TLN2: variants seen among roughly 807,000 people sequenced by gnomAD.
TLN2 encodes talin 2.
In TLN2, 118 loss-of-function variants were observed where a neutral mutation model predicts 294.7. The observed-to-expected ratio is 0.40, with a 90% CI of 0.34 to 0.47. The LOEUF is 0.47. Among genes scored for constraint, TLN2 ranks in the 20% least tolerant of loss-of-function variants. The probability of loss-of-function intolerance (pLI) is 0.84; values close to 1 mark genes in which losing one functional copy is unlikely to be tolerated. For missense variants in TLN2, 3,083 were observed against 3,282.2 expected (o/e 0.94, Z 1.48); for synonymous variants, 1,431 against 1,304.5 (o/e 1.10, Z -2.09).
intron 1 of TLN2, among the ~76,000 whole-genome samples, chr15:62,417,693 G>T (rs1050958095): frequency 5.3e-5 from 8 of 152,178 alleles, no homozygotes; most frequent in African/African-American, 1.9e-4. Flanking sequence ...GCTTCTCAGG[G>T]CTACAGGCTC....
intron 1 of TLN2, among the ~76,000 whole-genome samples, chr15:62,404,542 A>G (rs2033260432): frequency 6.6e-6 from 1 of 152,060 alleles, no homozygotes; most frequent in Non-Finnish European, 1.5e-5. Context: ...AAGATCCCCA[A>G]AGCATTCTCG....
intron 6 of TLN2, among the ~76,000 whole-genome samples, chr15:62,652,715 G>A (rs1055236384): frequency 6.6e-6 from 1 of 152,104 alleles, no homozygotes. Context: ...TATTATAGAT[G>A]AGAGAATTGA....
Position 62,766,425 on chromosome 15 carries a change from A to G in TLN2, c.5196+3A>G, listed in dbSNP as rs2141034093. The G allele has an allele frequency of 6.2e-7, 1 of 1,604,222 alleles. No individual in the cohort carries two copies. The highest frequency in any genetic ancestry group is 8.5e-7 in the Non-Finnish European group (1 of 1,171,752). On this transcript the variant is annotated splice_donor_region_variant and intron_variant, in intron 41 of 58. Transcript: ENST00000636159. ...AAGCAGCTCAGCTGGGACATAAGGT[A>G]ATGCACACCGAGGGGATCCTGCGAG...
At chr15:62,833,303 A>G (rs2069074132) in intron 54 of TLN2, 6 of 714,894 alleles carry the variant, frequency 8.4e-6, no homozygotes, top group Admixed American at 3.0e-5. Context: ...GGCTTAACCA[A>G]ACTGACTTAA....
chr15:62,700,381 C>T (rs915218677), intron 16 of TLN2, among the ~76,000 whole-genome samples: 1 of 152,050 alleles, frequency 6.6e-6, no homozygotes, highest in African/African-American at 2.4e-5. Context: ...TCTGAAATGT[C>T]AGAAAATAGA....
At chr15:62,801,493 A>T (rs189941132) in intron 50 of TLN2, among the ~76,000 whole-genome samples, 46 of 152,278 alleles carry the variant, frequency 3.0e-4, no homozygotes, top group African/African-American at 1.1e-3. Flanking sequence ...CTTTTTTGGG[A>T]AAGAGGGATA....
chr15:62,765,843 G>A (rs183756665), intron 40 of TLN2, among the ~76,000 whole-genome samples: 2 of 152,218 alleles, frequency 1.3e-5, no homozygotes, highest in Non-Finnish European at 2.9e-5. Context: ...ACAGTGCACT[G>A]TTTGGGAAGT....
At chr15:62,515,548 T>C (rs930362407) in intron 1 of TLN2, among the ~76,000 whole-genome samples, 3 of 152,228 alleles carry the variant, frequency 2.0e-5, no homozygotes, top group Non-Finnish European at 4.4e-5. Context: ...GTGATGAGTG[T>C]TCTCCCTGAA....
rs1413645225 is a variant in TLN2 at position 62,457,982 on chromosome 15, G to GA, written c.-238+67301dup. On this transcript the variant is annotated intron_variant, in intron 1 of 58. Transcript: ENST00000636159. ...GGATGGTTTGGAAGCAACTGTGCCA[G>GA]AAAACTGGAAAAAAATGTTTTTCAG... Among the ~76,000 whole-genome samples, 3 of 152,200 alleles carry GA rather than the reference G, an allele frequency of 2.0e-5. No individual in the cohort carries two copies. In the East Asian group the frequency reaches 5.8e-4, roughly 29 times the overall value.
rs2070609136 is a variant in TLN2, at chr15:62,840,904, GTAT to G, written c.*298_*300del. The G allele has an allele frequency of 3.4e-6, 1 of 290,636 alleles. No individual in the cohort carries two copies. Among genetic ancestry groups the G allele is most frequent in the African/African-American group, 2.2e-5 (1 of 46,424 alleles). 18.0% of individuals were successfully genotyped at this position (290,636 alleles called of 1,614,324 possible). ...GACTGTTACCAACAAAGAAAAGTCAGTATTATGTTGTTCTCAGACACTTTGGCT... is the reference window on the plus strand; with the variant it reads ...GACTGTTACCAACAAAGAAAAGTCAGTATGTTGTTCTCAGACACTTTGGCT... On this transcript the variant is annotated 3_prime_UTR_variant, in exon 59 of 59. Transcript: ENST00000636159.
chr15:62,717,624 T>G lies in TLN2; in HGVS notation c.2812T>G (p.Ser938Ala), dbSNP rs141002416. 6.4e-4 allele frequency: 1,020 copies of G among 1,604,820 alleles called. 3 individuals are homozygous for G. The African/African-American group carries it at 0.012, about 19-fold the overall frequency. Reference protein sequence around the residue: ...AAAATQTIAASQNAAVSNKNP... With the variant: ...AAAATQTIAAAQNAAVSNKNP... ...GGCAGCCACACAGACCATCGCCGCC[T>G]CCCAGAATGCAGCTGTTTCCAACAA... Residue 938 changes from serine to alanine, a missense_variant, in exon 24 of 59, where the codon TCC becomes GCC. Physicochemically the swap from Ser to Ala is moderately conservative, Grantham distance 99 (BLOSUM62 1). Coordinates refer to ENST00000636159, the MANE Select transcript of TLN2 (RefSeq NM_015059.3).
chr15:62,603,338 C>G (rs996454366), intron 2 of TLN2, among the ~76,000 whole-genome samples: 5 of 152,038 alleles, frequency 3.3e-5, no homozygotes, highest in African/African-American at 1.2e-4. Context: ...GTATTTGTAT[C>G]TCCTTCCCTT....
intron 1 of TLN2, among the ~76,000 whole-genome samples, chr15:62,572,932 C>T (rs2044022463): frequency 6.6e-6 from 1 of 152,186 alleles, no homozygotes; most frequent in African/African-American, 2.4e-5. Context: ...GCTGTCCTCC[C>T]CTGGCCAAGT....
Position 62,624,443 on chromosome 15 carries a change from A to G in TLN2, c.-37+5968A>G, listed in dbSNP as rs140458053. ...GTGTTCTGTCCCTGGGAAGCCTTGA[A>G]GTGGGAAGGTCTCATAGGTGATAGG... is the stretch of plus-strand genomic sequence containing the variant. On this transcript the variant is annotated intron_variant, in intron 3 of 58. Coordinates refer to ENST00000636159, the MANE Select transcript of TLN2 (RefSeq NM_015059.3). Among the ~76,000 whole-genome samples the G allele has an allele frequency of 9.1e-4, 139 of 152,308 alleles. 2 individuals carry two copies. The highest frequency in any genetic ancestry group is 3.4e-3 in the Middle Eastern group (1 of 294).
At chr15:62,664,191 C>G (rs1217288588) in intron 9 of TLN2, among the ~76,000 whole-genome samples, 1 of 150,104 alleles carries the variant, frequency 6.7e-6, no homozygotes, top group Non-Finnish European at 1.5e-5. Context: ...GCAATGCATA[C>G]TCCAAGATCA....
intron 11 of TLN2, among the ~76,000 whole-genome samples, chr15:62,680,155 T>A (rs2056687947): frequency 6.6e-6 from 1 of 152,096 alleles, no homozygotes; most frequent in Admixed American, 6.5e-5. Flanking sequence ...CCATTTTAGG[T>A]TTTTTCCTTT....
chr15:62,566,765 C>T (rs901519220), intron 1 of TLN2, among the ~76,000 whole-genome samples: 9 of 151,842 alleles, frequency 5.9e-5, no homozygotes, highest in Admixed American at 3.3e-4. Flanking sequence ...CTGTGTTGCC[C>T]GGGCTGGTCT....
At chr15:62,717,172 G>A (rs1265952893) in intron 23 of TLN2, among the ~76,000 whole-genome samples, 1 of 152,180 alleles carries the variant, frequency 6.6e-6, no homozygotes, top group Admixed American at 6.5e-5. Flanking sequence ...TAAGGCTTCT[G>A]AGTGCTGAGA....
rs555631823 is a variant in TLN2 at position 62,792,806 on chromosome 15, T to A, written c.5883+19T>A. ...GGAAAAGGTAAGGAGCAGCCCTCAG[T>A]TTAGAGTCACAAGAACCTGCGCTGG... On this transcript the variant is annotated intron_variant, in intron 46 of 58. Transcript: ENST00000636159. 7.4e-6 allele frequency: 12 copies of A among 1,613,000 alleles called. No individual in the cohort carries two copies. The highest frequency in any genetic ancestry group is 1.3e-5 in the African/African-American group (1 of 74,856).
Sources: allele counts gnomAD v4.1 joint callset (sites outside exome capture counted in the v4.1 genomes callset), GRCh38; gene constraint gnomAD v4.1.1; transcripts MANE v1.5; gene names NCBI Gene and HGNC (gene_info 2026-07-23, HGNC 2026-07-21).